The following KALRN variants were observed in gnomAD, a reference collection of about 807,000 sequenced individuals.
KALRN encodes the protein kalirin.
KALRN carries 70 observed loss-of-function variants against 353.7 expected under a neutral mutation model. The ratio of observed to expected loss-of-function variants is 0.20; its 90% CI spans 0.16 to 0.24. The LOEUF (loss-of-function observed/expected upper bound fraction) is 0.24. Among genes scored for constraint, KALRN ranks in the 10% least tolerant of loss-of-function variants. The pLI, the probability that KALRN is intolerant of heterozygous loss-of-function variation, is 1.00. For missense variants in KALRN, 2,791 were observed against 3,756.7 expected (o/e 0.74, Z 6.72); for synonymous variants, 1,391 against 1,434.8 (o/e 0.97, Z 0.69).
chr3:124,069,409 T>G (rs1427558299), intron 1 of KALRN, among the ~76,000 whole-genome samples: 1 of 150,732 alleles, frequency 6.6e-6, no homozygotes, highest in African/African-American at 2.5e-5. Flanking sequence ...TCTGAGAGAC[T>G]GGGGATCTCC....
In KALRN at chr3:124,584,956, C is replaced by G. The variant is rs2075002558; in HGVS notation, c.5182+21867C>G. On this transcript the variant is annotated intron_variant, in intron 34 of 59. Transcript: ENST00000682506. Reference sequence around the variant, plus strand: ...TGCCTTCTGTTAGCCAGACTGGTCGCGCTCAGCGCGAGGGAGGGTGGTAGG... The same window carrying G: ...TGCCTTCTGTTAGCCAGACTGGTCGGGCTCAGCGCGAGGGAGGGTGGTAGG... The G allele has an allele frequency of 1.9e-6, 3 of 1,551,744 alleles. No homozygotes were observed. The African/African-American group carries it at 4.1e-5, about 21-fold the overall frequency.
chr3:124,331,437 A>G (rs60731463), intron 8 of KALRN, among the ~76,000 whole-genome samples: 1,531 of 152,340 alleles, frequency 0.01, 24 homozygotes, highest in African/African-American at 0.034. Context: ...ATTTAAATAA[A>G]TAAATCAATC....
chr3:124,171,468 G>A (rs1278750367), intron 1 of KALRN, among the ~76,000 whole-genome samples: 1 of 152,230 alleles, frequency 6.6e-6, no homozygotes, highest in Non-Finnish European at 1.5e-5. Flanking sequence ...GATGGCAGAA[G>A]TGTTGAAAGA....
intron 1 of KALRN, among the ~76,000 whole-genome samples, chr3:124,134,818 A>G (rs1278997095): frequency 6.6e-6 from 1 of 152,238 alleles, no homozygotes; most frequent in Non-Finnish European, 1.5e-5. Context: ...AATCAAAACC[A>G]TAGTGCAATA....
intron 1 of KALRN, among the ~76,000 whole-genome samples, chr3:124,195,939 A>G (rs1456254406): frequency 6.6e-6 from 1 of 152,188 alleles, no homozygotes; most frequent in African/African-American, 2.4e-5. Context: ...CACAGAGGGA[A>G]AGGGGGAACA....
chr3:124,406,832 CTTTTTTTTTTTTT>C (rs10686645), intron 13 of KALRN, among the ~76,000 whole-genome samples: 1 of 126,314 alleles, frequency 7.9e-6, no homozygotes, highest in Non-Finnish European at 1.6e-5. Flanking sequence ...AGTTGCTTTG[CTTTTTTTTTTTTT>C]TTTTGAGACA....
At chr3:124,665,817 A>C (rs948762874) in intron 45 of KALRN, among the ~76,000 whole-genome samples, 3 of 152,212 alleles carry the variant, frequency 2.0e-5, no homozygotes, top group African/African-American at 7.2e-5. Flanking sequence ...ACCAGCTTAT[A>C]AAATATGGAG....
chr3:124,108,333 C>A (rs952949104), intron 1 of KALRN, among the ~76,000 whole-genome samples: 1 of 152,174 alleles, frequency 6.6e-6, no homozygotes, highest in African/African-American at 2.4e-5. Flanking sequence ...GTTAATATCT[C>A]CTCCAGGAAA....
In KALRN at chr3:124,413,535, G is replaced by A. The variant is rs1162277975; in HGVS notation, c.2412G>A (p.Glu804=). The change falls in exon 14 of 60, where the codon GAG becomes GAA. Residue 804 remains glutamate, a synonymous_variant. Coordinates refer to ENST00000682506, the MANE Select transcript of KALRN (RefSeq NM_001388419.1). The part of the protein sequence containing the change: ...LLRQMNDFNT[E]DLTLAEQRLQ... ...GGCAGATGAATGACTTCAACACAGA[G>A]GACCTAACCCTGGCAGAACAGCGGC... The A allele has an allele frequency of 1.7e-5, 28 of 1,614,148 alleles. No homozygotes were observed. The highest frequency in any genetic ancestry group is 2.4e-5 in the Non-Finnish European group (28 of 1,180,024).
At chr3:124,514,759 C>CA in intron 33 of KALRN, among the ~76,000 whole-genome samples, 1 of 152,260 alleles carries the variant, frequency 6.6e-6, no homozygotes, top group Middle Eastern at 3.4e-3. Context: ...ATGATTCAGG[C>CA]AAAAACACAC....
At chr3:124,159,144 T>C (rs1032132201) in intron 1 of KALRN, among the ~76,000 whole-genome samples, 4 of 152,172 alleles carry the variant, frequency 2.6e-5, no homozygotes, top group African/African-American at 9.7e-5. Context: ...TTTCCCCAGA[T>C]TTTTCCCCAT....
At chr3:124,097,287 T>C (rs1198940074) in intron 1 of KALRN, among the ~76,000 whole-genome samples, 3 of 152,256 alleles carry the variant, frequency 2.0e-5, no homozygotes, top group African/African-American at 7.2e-5. Context: ...AAGGAATGAA[T>C]GAGTAAATGA....
At chr3:124,440,860 A>G (rs1253773286) in intron 18 of KALRN, among the ~76,000 whole-genome samples, 1 of 151,950 alleles carries the variant, frequency 6.6e-6, no homozygotes, top group African/African-American at 2.4e-5. Context: ...ACTAGGCTTG[A>G]GAGGAACAAG....
chr3:124,435,208 A>G (rs1367742220), intron 17 of KALRN, among the ~76,000 whole-genome samples: 1 of 152,256 alleles, frequency 6.6e-6, no homozygotes, highest in Non-Finnish European at 1.5e-5. Context: ...CTGAACAATA[A>G]TTAAATCTAC....
At chr3:124,617,933 A>G (rs1032963014) in intron 34 of KALRN, among the ~76,000 whole-genome samples, 1 of 152,168 alleles carries the variant, frequency 6.6e-6, no homozygotes, top group Admixed American at 6.5e-5. Flanking sequence ...GAACAAAGCG[A>G]TACAATTGCT....
At chr3:124,312,714 G>A (rs1316957191) in intron 6 of KALRN, among the ~76,000 whole-genome samples, 1 of 152,214 alleles carries the variant, frequency 6.6e-6, no homozygotes, top group African/African-American at 2.4e-5. Flanking sequence ...TGCTGTCTGT[G>A]TCTTTTACTA....
At chr3:124,374,127 A>G (rs960571881) in intron 10 of KALRN, among the ~76,000 whole-genome samples, 5 of 152,332 alleles carry the variant, frequency 3.3e-5, no homozygotes, top group South Asian at 2.1e-4. Context: ...AAGAGGTTCT[A>G]GAAAGCTAGC....
At chr3:124,260,928 T>A (rs1433041641) in intron 3 of KALRN, among the ~76,000 whole-genome samples, 1 of 152,064 alleles carries the variant, frequency 6.6e-6, no homozygotes, top group Non-Finnish European at 1.5e-5. Flanking sequence ...CTCCTCTGAG[T>A]CCCCTAACTT....
intron 1 of KALRN, among the ~76,000 whole-genome samples, chr3:124,200,650 A>G (rs149687753): frequency 2.4e-3 from 360 of 152,344 alleles, no homozygotes; most frequent in Non-Finnish European, 3.4e-3. Flanking sequence ...ATTGTGGTGA[A>G]CAATGCATGA....
Sources: gnomAD v4.1 joint callset for allele counts (sites outside exome capture counted in the v4.1 genomes callset) on GRCh38, gnomAD v4.1.1 for gene constraint, MANE v1.5 for transcripts, NCBI Gene and HGNC (gene_info 2026-07-23, HGNC 2026-07-21) for gene names.